The following MRC1 variants were observed in gnomAD, a reference collection of about 807,000 sequenced individuals.
MRC1 encodes macrophage mannose receptor 1.
A neutral mutation model predicts 102.9 loss-of-function variants in MRC1; 62 were observed. The observed-to-expected ratio is 0.60, with a 90% CI of 0.49 to 0.74. The LOEUF (loss-of-function observed/expected upper bound fraction) is 0.74, where lower values mean the gene tolerates loss of function less well. Ranked by LOEUF, MRC1 falls within the 30% of genes least tolerant of loss-of-function variation. The probability of loss-of-function intolerance (pLI) is 0.00; values close to 1 mark genes in which losing one functional copy is unlikely to be tolerated. For synonymous variants in MRC1, 457 were observed against 298.4 expected (o/e 1.53, Z -5.48); for missense variants, 1,237 against 862.8 (o/e 1.43, Z -5.43).
Position 17,855,850 on chromosome 10 carries a change from G to A in MRC1, c.1408-392G>A, listed in dbSNP as rs1041530512. Reference sequence around the variant, plus strand: ...TGGATCTTAATTTTCCTCCTCTGAGGCACAGTTACAAGAAAATAACATCAA... The same window carrying A: ...TGGATCTTAATTTTCCTCCTCTGAGACACAGTTACAAGAAAATAACATCAA... On this transcript the variant is annotated intron_variant, in intron 8 of 29. Coordinates refer to ENST00000569591, the MANE Select transcript of MRC1 (RefSeq NM_002438.4). Among the ~76,000 whole-genome samples, 82 of 151,940 alleles carry A rather than the reference G, an allele frequency of 5.4e-4. 3 individuals carry two copies. In the South Asian group the frequency reaches 0.016, roughly 30 times the overall value.
In MRC1 at chr10:17,910,286, C is replaced by T; in HGVS notation, c.4192C>T (p.Leu1398=). The change falls in exon 30 of 30, where the codon CTG becomes TTG. Residue 1398 remains leucine, a synonymous_variant. Coordinates refer to ENST00000569591, the MANE Select transcript of MRC1 (RefSeq NM_002438.4). ...VAGVVIIVIL[L]ILTGAGLAAY... ...CGGAGTAGTCATCATTGTGATCCTC[C>T]TGATTTTAACGGGTGCTGGCCTTGC... is the stretch of plus-strand genomic sequence containing the variant. 1.3e-6 allele frequency: 1 copy of T among 780,832 alleles called. No individual in the cohort carries two copies. The highest frequency in any genetic ancestry group is 2.4e-6 in the Non-Finnish European group (1 of 417,958). 48.4% of individuals were successfully genotyped at this position (780,832 alleles called of 1,614,324 possible). A position where few individuals can be genotyped will look rare whatever the true frequency, so the allele number is the denominator to read the frequency against.
intron 5 of MRC1, among the ~76,000 whole-genome samples, chr10:17,843,388 C>T (rs1385319332): frequency 6.6e-6 from 1 of 152,142 alleles, no homozygotes; most frequent in Non-Finnish European, 1.5e-5. Flanking sequence ...ATAACTTTGG[C>T]CAGGTGCAGT....
chr10:17,855,571 C>CAAAAAAAAAAA (rs35692453), intron 8 of MRC1, among the ~76,000 whole-genome samples: 7 of 42,096 alleles, frequency 1.7e-4, no homozygotes, highest in Non-Finnish European at 3.0e-4. Flanking sequence ...GACTCCGTCT[C>CAAAAAAAAAAA]AAAAAAAAAA....
intron 23 of MRC1, among the ~76,000 whole-genome samples, chr10:17,897,756 A>G (rs1373122061): frequency 1.3e-5 from 2 of 152,212 alleles, no homozygotes; most frequent in African/African-American, 4.8e-5. Flanking sequence ...ATTGGATTGA[A>G]TTTGTCACAT....
chr10:17,868,086 AC>A, intron 12 of MRC1, among the ~76,000 whole-genome samples: 1 of 152,308 alleles, frequency 6.6e-6, no homozygotes, highest in African/African-American at 2.4e-5. Flanking sequence ...AAAATAACAA[AC>A]AAAAACCCCA....
chr10:17,814,415 T>C (rs575748130), intron 1 of MRC1, among the ~76,000 whole-genome samples: 2 of 152,322 alleles, frequency 1.3e-5, no homozygotes, highest in African/African-American at 4.8e-5. Flanking sequence ...GTGTATTAGA[T>C]GCAGATAATA....
rs1554840160 is a variant in MRC1, at chr10:17,845,479, G to C, written c.1063+44G>C. 5.1e-6 allele frequency: 4 copies of C among 779,872 alleles called. No homozygotes were observed. In the East Asian group the frequency reaches 9.7e-5, roughly 19 times the overall value. 48.3% of individuals were successfully genotyped at this position (779,872 alleles called of 1,614,324 possible). A position where few individuals can be genotyped will look rare whatever the true frequency, so the allele number is the denominator to read the frequency against. Reference sequence around the variant, plus strand: ...CTGAAGTGCCTCAACTATTAGAATTGAAAGATAAGTAACATTACAGCTTAG... The same window carrying C: ...CTGAAGTGCCTCAACTATTAGAATTCAAAGATAAGTAACATTACAGCTTAG... On this transcript the variant is annotated intron_variant, in intron 6 of 29. Coordinates refer to ENST00000569591, the MANE Select transcript of MRC1 (RefSeq NM_002438.4).
At chr10:17,827,794 G>A (rs1454538220) in intron 3 of MRC1, 79 bp downstream of exon 3, 3 of 768,246 alleles carry the variant, frequency 3.9e-6, no homozygotes, top group African/African-American at 3.4e-5. Context: ...TTTATCTAGA[G>A]CATTTTTCCC....
At chr10:17,888,108 T>A (rs1461830462) in intron 22 of MRC1, among the ~76,000 whole-genome samples, 1 of 152,168 alleles carries the variant, frequency 6.6e-6, no homozygotes, top group Non-Finnish European at 1.5e-5. Context: ...CCAGCAATAA[T>A]TTTTTAAAAA....
At chr10:17,901,584 G>C (rs1833830248) in intron 25 of MRC1, among the ~76,000 whole-genome samples, 1 of 152,018 alleles carries the variant, frequency 6.6e-6, no homozygotes, top group East Asian at 1.9e-4. Context: ...AGCTACTCGG[G>C]AGGCTGAGGC....
intron 5 of MRC1, among the ~76,000 whole-genome samples, chr10:17,841,893 C>T (rs942127678): frequency 5.3e-5 from 8 of 152,120 alleles, no homozygotes; most frequent in Admixed American, 5.2e-4. Flanking sequence ...GACAGTCAGA[C>T]TTCTCTTTTA....
At chr10:17,873,027 G>T (rs1313893750) in intron 15 of MRC1, among the ~76,000 whole-genome samples, 1 of 152,108 alleles carries the variant, frequency 6.6e-6, no homozygotes, top group Non-Finnish European at 1.5e-5. Context: ...GTGGCCAGTT[G>T]TCCTTTAATG....
chr10:17,848,796 G>A (rs999766141), intron 6 of MRC1, among the ~76,000 whole-genome samples: 9 of 152,230 alleles, frequency 5.9e-5, no homozygotes, highest in South Asian at 2.1e-4. Context: ...TCACAAGCAC[G>A]TGTCAGTTTT....
At chr10:17,813,229 G>T (rs914594824) in intron 1 of MRC1, among the ~76,000 whole-genome samples, 4 of 152,166 alleles carry the variant, frequency 2.6e-5, no homozygotes, top group Non-Finnish European at 5.9e-5. Flanking sequence ...TGCGCTGTTA[G>T]ATCAAGTAAG....
chr10:17,894,086 A>T, intron 22 of MRC1, 124 bp from the exon 23 acceptor site: 1 of 730,310 alleles, frequency 1.4e-6, no homozygotes. Context: ...GCATATCTTA[A>T]GTTAGGACAA....
intron 22 of MRC1, among the ~76,000 whole-genome samples, chr10:17,890,229 G>A (rs929707713): frequency 4.7e-5 from 7 of 150,334 alleles, no homozygotes; most frequent in East Asian, 1.9e-4. Context: ...TTTTTTTTTC[G>A]TCTGGCTTCT....
At chr10:17,834,884 C>T (rs1838639600) in intron 4 of MRC1, among the ~76,000 whole-genome samples, 1 of 152,052 alleles carries the variant, frequency 6.6e-6, no homozygotes, top group East Asian at 1.9e-4. Flanking sequence ...GATTTCTTGC[C>T]CCCAAAATCT....
At chr10:17,857,265 T>C (rs1156585433) in intron 9 of MRC1, among the ~76,000 whole-genome samples, 1 of 152,212 alleles carries the variant, frequency 6.6e-6, no homozygotes, top group East Asian at 1.9e-4. Flanking sequence ...CGTAGCTTTC[T>C]GATAGAAACA....
At chr10:17,856,451 C>A (rs906051146) in intron 9 of MRC1, 99 bp downstream of exon 9, 2 of 745,680 alleles carry the variant, frequency 2.7e-6, no homozygotes, top group Non-Finnish European at 4.8e-6. Flanking sequence ...ATTGCAGTAG[C>A]CAAGGGTTTC....
Sources: gnomAD v4.1 joint callset for allele counts (sites outside exome capture counted in the v4.1 genomes callset) on GRCh38, gnomAD v4.1.1 for gene constraint, MANE v1.5 for transcripts, NCBI Gene and HGNC (gene_info 2026-07-23, HGNC 2026-07-21) for gene names.